Variants in AFTPH observed in about 807,000 individuals in gnomAD.
AFTPH encodes the protein aftiphilin protein.
AFTPH carries 7 observed loss-of-function variants against 72.5 expected under a neutral mutation model. That is an observed-to-expected ratio of 0.10 (90% CI 0.05 to 0.18). The LOEUF is 0.18. Ranked by LOEUF, AFTPH falls within the 10% of genes least tolerant of loss-of-function variation. The pLI is 1.00. For missense variants in AFTPH, 979 were observed against 1,060.5 expected (o/e 0.92, Z 1.07); for synonymous variants, 337 against 370.1 (o/e 0.91, Z 1.03).
chr2:64,548,769 A>T (rs1670834680), intron 1 of AFTPH, among the ~76,000 whole-genome samples: 1 of 152,258 alleles, frequency 6.6e-6, no homozygotes, highest in Admixed American at 6.5e-5. Flanking sequence ...AGGCAAGGGA[A>T]CAAAATAGGA....
Position 64,571,480 on chromosome 2 carries a change from TA to T in AFTPH, c.2272-1465del, listed in dbSNP as rs145745681. 4.8e-3 allele frequency among the ~76,000 whole-genome samples: 724 copies of T among 152,352 alleles called. 6 individuals carry two copies. The highest frequency in any genetic ancestry group is 0.017 in the African/African-American group (694 of 41,580). ...AGGGCACACCAGAGAGCCTGTATAATACATATGGTATTGAGTTAGACCATGA... is the reference window on the plus strand; with the variant it reads ...AGGGCACACCAGAGAGCCTGTATAATCATATGGTATTGAGTTAGACCATGA... On this transcript the variant is annotated intron_variant, in intron 5 of 8. Coordinates refer to ENST00000238856, the Ensembl canonical transcript of AFTPH.
At chr2:64,565,894 C>G (rs1672057240) in intron 2 of AFTPH, among the ~76,000 whole-genome samples, 1 of 152,212 alleles carries the variant, frequency 6.6e-6, no homozygotes, top group Non-Finnish European at 1.5e-5. Context: ...GAGAATTTTA[C>G]TGGTGTCTTG....
At chr2:64,567,100 C>G (rs1176492786) in intron 2 of AFTPH, among the ~76,000 whole-genome samples, 2 of 152,098 alleles carry the variant, frequency 1.3e-5, no homozygotes, top group Non-Finnish European at 2.9e-5. Context: ...ATAATACTTC[C>G]CACAAGCATC....
chr2:64,524,604 A>C, exon 1 of AFTPH: 1 of 398,412 alleles, frequency 2.5e-6, no homozygotes, highest in Non-Finnish European at 4.4e-6. Flanking sequence ...GCCGCCCCGA[A>C]GGAGCCAGGT....
At chr2:64,577,786 G>GTT (rs1672914848) in intron 6 of AFTPH, among the ~76,000 whole-genome samples, 2 of 152,212 alleles carry the variant, frequency 1.3e-5, no homozygotes, top group African/African-American at 4.8e-5. Context: ...TTCATAGGAA[G>GTT]TTGCAACTGT....
In AFTPH at chr2:64,590,081, C is replaced by G. The variant is rs181898402; in HGVS notation, c.2580-1804C>G. ...TCATTTCATCTACTTAGGCTATATTCAGATTTCTCCAACTATCCTTTCTCA... is the reference window on the plus strand; with the variant it reads ...TCATTTCATCTACTTAGGCTATATTGAGATTTCTCCAACTATCCTTTCTCA... On this transcript the variant is annotated intron_variant, in intron 8 of 8. Coordinates refer to ENST00000238856, the Ensembl canonical transcript of AFTPH. 1.6e-4 allele frequency among the ~76,000 whole-genome samples: 24 copies of G among 152,172 alleles called. 1 individual carries two copies. The highest frequency in any genetic ancestry group is 3.4e-3 in the Middle Eastern group (1 of 294).
At chr2:64,584,488 A>G (rs1305853599) in intron 7 of AFTPH, among the ~76,000 whole-genome samples, 2 of 152,180 alleles carry the variant, frequency 1.3e-5, no homozygotes, top group Non-Finnish European at 1.5e-5. Flanking sequence ...ATTTTGTTCA[A>G]AAGTAGTACT....
Position 64,536,532 on chromosome 2 carries a change from A to G in AFTPH, c.-33+11920A>G, listed in dbSNP as rs181309119. Among the ~76,000 whole-genome samples, 44 of 149,536 alleles carry G rather than the reference A, an allele frequency of 2.9e-4. No homozygotes were observed. In the East Asian group the frequency reaches 8.7e-3, roughly 29 times the overall value. On this transcript the variant is annotated intron_variant, in intron 1 of 8. Coordinates refer to ENST00000238856, the Ensembl canonical transcript of AFTPH. ...TGTAGTGATCGCGCCACTGCACTCCAGCCTGGGCGACAGAGCAGAGCGAGA... is the reference window on the plus strand; with the variant it reads ...TGTAGTGATCGCGCCACTGCACTCCGGCCTGGGCGACAGAGCAGAGCGAGA...
exon 9 of AFTPH, chr2:64,592,233 A>C (rs527945352): frequency 7.9e-5 from 35 of 441,174 alleles, no homozygotes; most frequent in Non-Finnish European, 1.2e-4. Flanking sequence ...ATATTAGAAA[A>C]ATGTAAATAA....
intron 2 of AFTPH, among the ~76,000 whole-genome samples, chr2:64,563,540 CT>C (rs1248687357): frequency 6.6e-6 from 1 of 152,198 alleles, no homozygotes; most frequent in East Asian, 1.9e-4. Context: ...TTTAACTTCT[CT>C]TCTTCTGAGT....
At chr2:64,574,132 ATAT>A (rs1672630534) in intron 6 of AFTPH, among the ~76,000 whole-genome samples, 1 of 152,244 alleles carries the variant, frequency 6.6e-6, no homozygotes, top group Admixed American at 6.5e-5. Flanking sequence ...TGCTGGTTAA[ATAT>A]TATAGTTTTA....
At chr2:64,565,734 A>G (rs1383873028) in intron 2 of AFTPH, among the ~76,000 whole-genome samples, 1 of 152,250 alleles carries the variant, frequency 6.6e-6, no homozygotes, top group Non-Finnish European at 1.5e-5. Context: ...CTCTCTATAG[A>G]AAAGATTGCT....
intron 1 of AFTPH, among the ~76,000 whole-genome samples, chr2:64,528,769 G>A (rs1669431604): frequency 1.3e-5 from 2 of 152,156 alleles, no homozygotes; most frequent in Admixed American, 6.5e-5. Flanking sequence ...ATTGTGATCA[G>A]AGTTAGAGGG....
Position 64,570,700 on chromosome 2 carries a change from G to A in AFTPH, c.2271+1021G>A, listed in dbSNP as rs147662398. Reference sequence around the variant, plus strand: ...AAGGAGTAGCAATCCAGAGGTTGTTGATGTTATGGAACTAGGAGTTTAATT... The same window carrying A: ...AAGGAGTAGCAATCCAGAGGTTGTTAATGTTATGGAACTAGGAGTTTAATT... On this transcript the variant is annotated intron_variant, in intron 5 of 8. Coordinates refer to ENST00000238856, the Ensembl canonical transcript of AFTPH. Among the ~76,000 whole-genome samples, 296 of 152,286 alleles carry A rather than the reference G, an allele frequency of 1.9e-3. 4 individuals carry two copies. Among genetic ancestry groups the A allele is most frequent in the African/African-American group, 6.5e-3 (272 of 41,550 alleles).
At chr2:64,553,104 A>C (rs377543804) in exon 2 of AFTPH, 3 of 1,614,084 alleles carry the variant, frequency 1.9e-6, no homozygotes, top group African/African-American at 1.3e-5. Context: ...TTCTGTGCCA[A>C]ATATTCAGGA....
chr2:64,544,799 C>T (rs1445296441), intron 1 of AFTPH, among the ~76,000 whole-genome samples: 3 of 152,152 alleles, frequency 2.0e-5, no homozygotes, highest in Admixed American at 1.3e-4. Flanking sequence ...CACTTAGAAG[C>T]AGTGGCACTC....
chr2:64,545,852 A>T (rs1670577764), intron 1 of AFTPH, among the ~76,000 whole-genome samples: 1 of 151,848 alleles, frequency 6.6e-6, no homozygotes, highest in Admixed American at 6.6e-5. Context: ...ATTGAGCAGA[A>T]CTATACACAA....
chr2:64,571,772 T>C (rs1270642798), intron 5 of AFTPH, among the ~76,000 whole-genome samples: 1 of 152,194 alleles, frequency 6.6e-6, no homozygotes, highest in East Asian at 1.9e-4. Flanking sequence ...TCAAAAGCTT[T>C]TCAGATATTA....
At chr2:64,563,101 G>C (rs1410031361) in intron 2 of AFTPH, among the ~76,000 whole-genome samples, 1 of 152,142 alleles carries the variant, frequency 6.6e-6, no homozygotes, top group Non-Finnish European at 1.5e-5. Flanking sequence ...CATTATGGCT[G>C]CATATACTCT....
Sources: gnomAD v4.1 joint callset for allele counts (sites outside exome capture counted in the v4.1 genomes callset) on GRCh38, gnomAD v4.1.1 for gene constraint, MANE v1.5 for transcripts, NCBI Gene and HGNC (gene_info 2026-07-23, HGNC 2026-07-21) for gene names.